The following SPMIP2 variants were observed in gnomAD, a reference collection of about 807,000 sequenced individuals.
SPMIP2 encodes protein SPMIP2.
the SPMIP2 span, among the ~76,000 whole-genome samples, chr4:159,057,506 A>G: frequency 1.3e-5 from 2 of 152,220 alleles, no homozygotes; most frequent in East Asian, 1.9e-4. Context: ...GCACTCATGC[A>G]TGGCTGATGG....
the SPMIP2 span, among the ~76,000 whole-genome samples, chr4:158,956,561 T>C: frequency 6.6e-6 from 1 of 151,082 alleles, no homozygotes. Context: ...AAACTCTGTC[T>C]CAAAAAAGAT....
the SPMIP2 span, among the ~76,000 whole-genome samples, chr4:158,994,421 T>TA: frequency 6.6e-6 from 1 of 152,220 alleles, no homozygotes; most frequent in Non-Finnish European, 1.5e-5. Flanking sequence ...TTAAGATACT[T>TA]AAGTGTAAGG....
chr4:158,927,563 C>T, the SPMIP2 span, among the ~76,000 whole-genome samples: 11,542 of 152,314 alleles, frequency 0.076, 1,270 homozygotes, highest in African/African-American at 0.24. Context: ...CCCTCCCTCG[C>T]TCTCGGCGCC....
chr4:158,989,653 G>T, the SPMIP2 span, among the ~76,000 whole-genome samples: 1 of 152,254 alleles, frequency 6.6e-6, no homozygotes, highest in Non-Finnish European at 1.5e-5. Context: ...TTTAATAAAT[G>T]GTGTTGGGAA....
At chr4:158,979,115 G>A in the SPMIP2 span, among the ~76,000 whole-genome samples, 21 of 152,140 alleles carry the variant, frequency 1.4e-4, no homozygotes, top group Non-Finnish European at 2.2e-4. Context: ...TGGCTTTGCC[G>A]AGCTGAGGTG....
chr4:159,014,374 A>G, the SPMIP2 span, among the ~76,000 whole-genome samples: 1,805 of 152,094 alleles, frequency 0.012, 28 homozygotes, highest in African/African-American at 0.041. Context: ...AATCGCTTGA[A>G]CCCAGGAGGC....
At chr4:158,952,674 G>A in the SPMIP2 span, among the ~76,000 whole-genome samples, 1 of 152,208 alleles carries the variant, frequency 6.6e-6, no homozygotes, top group Non-Finnish European at 1.5e-5. Flanking sequence ...AAGAAGACAG[G>A]AAAATGTGAG....
chr4:158,995,631 G>A, the SPMIP2 span, among the ~76,000 whole-genome samples: 17 of 152,174 alleles, frequency 1.1e-4, no homozygotes, highest in South Asian at 2.9e-3. Flanking sequence ...GGCCGAGGCA[G>A]GTGGATCACA....
chr4:158,956,463 T>C, the SPMIP2 span, among the ~76,000 whole-genome samples: 2 of 152,172 alleles, frequency 1.3e-5, no homozygotes, highest in African/African-American at 4.8e-5. Flanking sequence ...CTTGGGAGGT[T>C]GAGGCAGGAG....
At chr4:158,968,251 A>G in the SPMIP2 span, among the ~76,000 whole-genome samples, 1 of 151,380 alleles carries the variant, frequency 6.6e-6, no homozygotes, top group Non-Finnish European at 1.5e-5. Context: ...CTGGTCTTGA[A>G]CTCTTCTCCT....
the SPMIP2 span, among the ~76,000 whole-genome samples, chr4:159,010,207 G>A: frequency 5.7e-3 from 864 of 152,218 alleles, 8 homozygotes; most frequent in African/African-American, 0.02. Context: ...CACAGTATTG[G>A]CAGAGATACA....
At chr4:159,049,483 AT>A in the SPMIP2 span, among the ~76,000 whole-genome samples, 1 of 152,168 alleles carries the variant, frequency 6.6e-6, no homozygotes, top group Non-Finnish European at 1.5e-5. Context: ...AGTAGTATAT[AT>A]TTTTGGGGTG....
the SPMIP2 span, among the ~76,000 whole-genome samples, chr4:159,027,050 C>T: frequency 1 from 151,785 of 151,810 alleles, 75,880 homozygotes; most frequent in East Asian, 1. Flanking sequence ...AGGTGACCAA[C>T]AATTTAAGGT....
At chr4:158,921,066 C>T in the SPMIP2 span, among the ~76,000 whole-genome samples, 10 of 152,194 alleles carry the variant, frequency 6.6e-5, no homozygotes, top group East Asian at 1.3e-3. Context: ...AAAGAACCTA[C>T]GTTGAAATAT....
chr4:158,986,047 A>G, the SPMIP2 span, among the ~76,000 whole-genome samples: 176 of 150,694 alleles, frequency 1.2e-3, no homozygotes, highest in African/African-American at 3.8e-3. Context: ...GCTTCAAAGA[A>G]AATAAAATAC....
chr4:159,061,084 C>CAA, the SPMIP2 span, among the ~76,000 whole-genome samples: 1 of 138,368 alleles, frequency 7.2e-6, no homozygotes, highest in African/African-American at 2.8e-5. Context: ...GACCCTATCT[C>CAA]AAAAAAAAAA....
At chr4:159,010,466 C>T in the SPMIP2 span, among the ~76,000 whole-genome samples, 1 of 152,156 alleles carries the variant, frequency 6.6e-6, no homozygotes, top group Non-Finnish European at 1.5e-5. Flanking sequence ...AAAGAATCCC[C>T]GTCTCATTGA....
At chr4:158,975,157 T>C in the SPMIP2 span, among the ~76,000 whole-genome samples, 2 of 97,524 alleles carry the variant, frequency 2.1e-5, no homozygotes. Context: ...TGGGGTTGTT[T>C]TTTTCTTGTG....
the SPMIP2 span, among the ~76,000 whole-genome samples, chr4:158,899,021 A>G: frequency 6.6e-6 from 1 of 152,186 alleles, no homozygotes; most frequent in Non-Finnish European, 1.5e-5. Context: ...CGTTCCCTCA[A>G]TACCTAGTTT....
Sources: gnomAD v4.1 joint callset for allele counts (sites outside exome capture counted in the v4.1 genomes callset) on GRCh38, gnomAD v4.1.1 for gene constraint, MANE v1.5 for transcripts, NCBI Gene and HGNC (gene_info 2026-07-23, HGNC 2026-07-21) for gene names.